XPNPEP3: variants seen among roughly 807,000 people sequenced by gnomAD.
XPNPEP3 encodes xaa-Pro aminopeptidase 3.
Under a neutral mutation model 60.0 loss-of-function variants are expected in XPNPEP3, and 41 were observed. The ratio of observed to expected loss-of-function variants is 0.68; its 90% CI spans 0.53 to 0.89. The LOEUF (loss-of-function observed/expected upper bound fraction) is 0.89, where lower values mean the gene tolerates loss of function less well. XPNPEP3 is among the 40% of genes least tolerant of loss of function. The probability of loss-of-function intolerance (pLI) is 0.00; values close to 1 mark genes in which losing one functional copy is unlikely to be tolerated. For synonymous variants in XPNPEP3, 212 were observed against 223.2 expected (o/e 0.95, Z 0.45); for missense variants, 598 against 638.9 (o/e 0.94, Z 0.69).
chr22:40,907,701 T>C (rs2058161815), intron 5 of XPNPEP3, 52 bp downstream of exon 5: 2 of 1,570,310 alleles, frequency 1.3e-6, no homozygotes, highest in South Asian at 2.2e-5. Context: ...AATATAATAA[T>C]TTGATTTGCA....
At chr22:40,863,432 C>T (rs1057240753) in intron 1 of XPNPEP3, among the ~76,000 whole-genome samples, 3 of 152,162 alleles carry the variant, frequency 2.0e-5, no homozygotes, top group Admixed American at 1.3e-4. Flanking sequence ...TTTTCCATCA[C>T]ATTTATAACC....
chr22:40,863,186 T>G (rs2057960899), intron 1 of XPNPEP3, among the ~76,000 whole-genome samples: 1 of 152,232 alleles, frequency 6.6e-6, no homozygotes, highest in Admixed American at 6.5e-5. Flanking sequence ...AGTTTAATGA[T>G]GTGATTTACA....
At chr22:40,907,319 G>GT in intron 4 of XPNPEP3, 1 of 422,884 alleles carries the variant, frequency 2.4e-6, no homozygotes, top group Admixed American at 3.1e-5. Context: ...TACTCGAGAG[G>GT]CTGAGGCAGG....
chr22:40,866,428 T>G (rs1453494219), intron 1 of XPNPEP3, among the ~76,000 whole-genome samples: 1 of 152,100 alleles, frequency 6.6e-6, no homozygotes, highest in East Asian at 1.9e-4. Context: ...GTAAGTGATG[T>G]TTGAGCTGGT....
chr22:40,921,039 G>A (rs572419410), intron 7 of XPNPEP3, among the ~76,000 whole-genome samples: 8 of 152,234 alleles, frequency 5.3e-5, no homozygotes, highest in South Asian at 2.1e-4. Flanking sequence ...TGATCCACCC[G>A]CCTCGGCCTC....
Position 40,928,187 on chromosome 22 carries a change from A to G in XPNPEP3, c.*1752A>G, listed in dbSNP as rs192733770. 6.6e-6 allele frequency: 1 copy of G among 150,826 alleles called. No homozygotes were observed. Among genetic ancestry groups the G allele is most frequent in the Admixed American group, 6.7e-5 (1 of 15,016 alleles). The allele number at this position is 150,826 out of a possible 1,614,324, so 9.3% of individuals were successfully genotyped here. A position where few individuals can be genotyped will look rare whatever the true frequency, so the allele number is the denominator to read the frequency against. On this transcript the variant is annotated 3_prime_UTR_variant, in exon 10 of 10. Coordinates refer to ENST00000357137, the MANE Select transcript of XPNPEP3 (RefSeq NM_022098.4). ...ATACTAGCACTGGGAGTGCAGTGGT[A>G]AAGAGTCATACTTCTTTTTTTTTTT...
rs546466102 is a variant in XPNPEP3 at position 40,931,209 on chromosome 22, A to G, written c.*4774A>G. 1 of 152,262 alleles carries G rather than the reference A, an allele frequency of 6.6e-6. No homozygotes were observed. The highest frequency in any genetic ancestry group is 2.4e-5 in the African/African-American group (1 of 41,542). The allele number at this position is 152,262 out of a possible 1,614,324, so 9.4% of individuals were successfully genotyped here. On this transcript the variant is annotated 3_prime_UTR_variant, in exon 10 of 10. Transcript: ENST00000357137. ...CCAGGCATTCCTATTAAAAATCTTA[A>G]CTTAAAAAAAATTACTCAAATGTTA...
chr22:40,863,413 T>G (rs1241682111), intron 1 of XPNPEP3, among the ~76,000 whole-genome samples: 1 of 152,230 alleles, frequency 6.6e-6, no homozygotes, highest in Non-Finnish European at 1.5e-5. Context: ...CTATGTTGTG[T>G]TTATTTTATT....
intron 4 of XPNPEP3, among the ~76,000 whole-genome samples, chr22:40,899,703 C>T (rs2058123867): frequency 6.6e-6 from 1 of 151,594 alleles, no homozygotes; most frequent in African/African-American, 2.4e-5. Context: ...CCTGTAATCC[C>T]AGCTACTTGG....
In XPNPEP3 at chr22:40,931,287, TA is replaced by T. The variant is rs1443394745; in HGVS notation, c.*4853del. 6.6e-6 allele frequency: 1 copy of T among 152,242 alleles called. No homozygotes were observed. The highest frequency in any genetic ancestry group is 1.5e-5 in the Non-Finnish European group (1 of 68,036). 9.4% of individuals were successfully genotyped at this position (152,242 alleles called of 1,614,324 possible). A position where few individuals can be genotyped will look rare whatever the true frequency, so the allele number is the denominator to read the frequency against. On this transcript the variant is annotated 3_prime_UTR_variant, in exon 10 of 10. Transcript: ENST00000357137. ...AGATACATGGTTAGATCATTAACAATACCACCTAAATGAAGGAAACATATCT... is the reference window on the plus strand; with the variant it reads ...AGATACATGGTTAGATCATTAACAATCCACCTAAATGAAGGAAACATATCT...
intron 1 of XPNPEP3, among the ~76,000 whole-genome samples, chr22:40,863,625 A>G (rs758034924): frequency 2.0e-5 from 3 of 152,174 alleles, no homozygotes; most frequent in Non-Finnish European, 4.4e-5. Flanking sequence ...GCTTACATGT[A>G]CTTATGTGTG....
At chr22:40,908,859 AAAG>A (rs1467562231) in intron 5 of XPNPEP3, among the ~76,000 whole-genome samples, 1 of 152,208 alleles carries the variant, frequency 6.6e-6, no homozygotes, top group Non-Finnish European at 1.5e-5. Flanking sequence ...ACTAAAGAAA[AAAG>A]AACAGATTTA....
intron 7 of XPNPEP3, among the ~76,000 whole-genome samples, chr22:40,918,716 G>T (rs1325215692): frequency 6.6e-6 from 1 of 151,394 alleles, no homozygotes; most frequent in African/African-American, 2.4e-5. Context: ...GATATTTGTT[G>T]GTAAGATTGT....
intron 4 of XPNPEP3, among the ~76,000 whole-genome samples, chr22:40,893,545 C>T (rs967712454): frequency 9.0e-5 from 13 of 144,512 alleles, no homozygotes; most frequent in Non-Finnish European, 2.0e-4. Flanking sequence ...TCCTGTGAAA[C>T]AGGAATCAAG....
At chr22:40,913,174 C>CA (rs1412753195) in intron 6 of XPNPEP3, among the ~76,000 whole-genome samples, 1 of 151,864 alleles carries the variant, frequency 6.6e-6, no homozygotes, top group Non-Finnish European at 1.5e-5. Context: ...TGATGGAGAG[C>CA]AAAAGGGGAA....
chr22:40,920,202 T>G (rs1180755591), intron 7 of XPNPEP3, among the ~76,000 whole-genome samples: 1 of 152,044 alleles, frequency 6.6e-6, no homozygotes, highest in African/African-American at 2.4e-5. Flanking sequence ...AACCCATCTC[T>G]ACTCAAAATA....
At chr22:40,883,993 A>C (rs1272363573) in intron 3 of XPNPEP3, among the ~76,000 whole-genome samples, 1 of 152,180 alleles carries the variant, frequency 6.6e-6, no homozygotes, top group Non-Finnish European at 1.5e-5. Context: ...AGAATTCCAA[A>C]AATGTTTTTC....
intron 2 of XPNPEP3, among the ~76,000 whole-genome samples, chr22:40,879,579 T>G (rs1321845071): frequency 6.6e-6 from 1 of 151,806 alleles, no homozygotes; most frequent in Non-Finnish European, 1.5e-5. Flanking sequence ...TGGTGGCTCA[T>G]GCCTGTAATC....
chr22:40,908,982 G>T, intron 5 of XPNPEP3, 140 bp from the exon 6 acceptor site: 1 of 716,752 alleles, frequency 1.4e-6, no homozygotes, highest in Non-Finnish European at 2.6e-6. Context: ...AGCATAAAAG[G>T]TTTGGTTAGA....
Sources: gnomAD v4.1 joint callset for allele counts (sites outside exome capture counted in the v4.1 genomes callset) on GRCh38, gnomAD v4.1.1 for gene constraint, MANE v1.5 for transcripts, NCBI Gene and HGNC (gene_info 2026-07-23, HGNC 2026-07-21) for gene names.